SCAI: variants seen among roughly 807,000 people sequenced by gnomAD.
The protein encoded by SCAI is suppressor of cancer cell invasion.
In SCAI, 24 loss-of-function variants were observed where a neutral mutation model predicts 92.2. The observed-to-expected ratio is 0.26, with a 90% CI of 0.19 to 0.37. SCAI has a LOEUF of 0.37. SCAI is among the 10% of genes least tolerant of loss of function. The probability of loss-of-function intolerance (pLI) is 1.00; values close to 1 mark genes in which losing one functional copy is unlikely to be tolerated. For synonymous variants in SCAI, 261 were observed against 258.6 expected, an observed-to-expected ratio of 1.01 and a Z score of -0.09; for missense variants, 450 against 736.2, an observed-to-expected ratio of 0.61 and a Z score of 4.50.
intron 2 of SCAI, among the ~76,000 whole-genome samples, chr9:125,084,075 T>C (rs1347968466): frequency 1.3e-5 from 2 of 150,238 alleles, no homozygotes; most frequent in Non-Finnish European, 3.0e-5. Context: ...AGAGGGTCTG[T>C]CTAAAAATAC....
intron 1 of SCAI, 24 bp downstream of exon 1, chr9:125,143,361 C>A: frequency 1.5e-6 from 2 of 1,325,756 alleles, no homozygotes; most frequent in South Asian, 3.8e-5. Flanking sequence ...ATCCCCAACC[C>A]CGGCCTCCAC....
chr9:125,066,907 T>C (rs1433507176), intron 2 of SCAI, among the ~76,000 whole-genome samples: 1 of 152,228 alleles, frequency 6.6e-6, no homozygotes, highest in African/African-American at 2.4e-5. Flanking sequence ...AGTACCATGC[T>C]GTACAGGATT....
intron 3 of SCAI, among the ~76,000 whole-genome samples, chr9:125,047,699 C>A (rs1434099598): frequency 6.6e-6 from 1 of 152,140 alleles, no homozygotes; most frequent in Non-Finnish European, 1.5e-5. Flanking sequence ...GAGCAAACAG[C>A]CACACATGGC....
chr9:124,994,909 G>A (rs1051185320), intron 14 of SCAI, 25 bp downstream of exon 14: 1 of 1,547,078 alleles, frequency 6.5e-7, no homozygotes, highest in Non-Finnish European at 8.9e-7. Flanking sequence ...ATGTCTACCT[G>A]TGCAATAGCT....
At position 125,020,664 on chromosome 9, in the gene SCAI, T is replaced by C; in HGVS notation, c.609+9A>G. The C allele has an allele frequency of 8.4e-7, 1 of 1,192,808 alleles. No homozygotes were observed. The highest frequency in any genetic ancestry group is 1.2e-6 in the Non-Finnish European group (1 of 826,888). 73.9% of individuals were successfully genotyped at this position (1,192,808 alleles called of 1,614,324 possible). A position where few individuals can be genotyped will look rare whatever the true frequency, so the allele number is the denominator to read the frequency against. ...AGATTAGAATTTGAACTATTTAAAG[T>C]GTATTTACCTTTACCAGATCCTTTA... On this transcript the variant is annotated intron_variant, in intron 7 of 17. Coordinates refer to ENST00000336505, the MANE Select transcript of SCAI (RefSeq NM_001144877.3).
intron 2 of SCAI, among the ~76,000 whole-genome samples, chr9:125,064,852 C>T (rs1465916014): frequency 6.6e-6 from 1 of 151,930 alleles, no homozygotes; most frequent in Non-Finnish European, 1.5e-5. Flanking sequence ...TCTCAAAAAA[C>T]AAACAAACAA....
At chr9:125,055,821 A>G (rs1833651372) in intron 3 of SCAI, 55 bp downstream of exon 3, 1 of 1,484,022 alleles carries the variant, frequency 6.7e-7, no homozygotes, top group Non-Finnish European at 9.0e-7. Context: ...CATCAGCCAG[A>G]AAAAAAACAA....
chr9:125,073,350 C>T (rs575625668), intron 2 of SCAI, among the ~76,000 whole-genome samples: 1 of 151,516 alleles, frequency 6.6e-6, no homozygotes, highest in South Asian at 2.1e-4. Context: ...GTGATCCACC[C>T]GCCTCGGCCT....
At chr9:125,022,909 C>G (rs570348996) in intron 6 of SCAI, among the ~76,000 whole-genome samples, 1 of 152,074 alleles carries the variant, frequency 6.6e-6, no homozygotes, top group African/African-American at 2.4e-5. Flanking sequence ...TAATGATCAT[C>G]ATTTTGTTAC....
At chr9:125,110,042 T>A (rs552838063) in intron 2 of SCAI, among the ~76,000 whole-genome samples, 19 of 152,294 alleles carry the variant, frequency 1.2e-4, no homozygotes, top group African/African-American at 4.6e-4. Context: ...AAGACTCAGA[T>A]GATAGGAAGT....
chr9:125,130,573 G>A (rs576781693), intron 2 of SCAI, among the ~76,000 whole-genome samples: 1 of 151,998 alleles, frequency 6.6e-6, no homozygotes, highest in African/African-American at 2.4e-5. Flanking sequence ...GAGTGCAGTG[G>A]CACAATCTCA....
intron 2 of SCAI, among the ~76,000 whole-genome samples, chr9:125,106,122 A>AAAAAAAAAAATATATAT (rs1554791724): frequency 1.1e-4 from 1 of 8,864 alleles, no homozygotes; most frequent in African/African-American, 2.3e-4. Flanking sequence ...AAAAAAAAAA[A>AAAAAAAAAAATATATAT]ATATATATAT....
At chr9:124,960,581 A>G (rs1831417577) in intron 17 of SCAI, among the ~76,000 whole-genome samples, 1 of 152,218 alleles carries the variant, frequency 6.6e-6, no homozygotes, top group Non-Finnish European at 1.5e-5. Flanking sequence ...ACAAGAGTCC[A>G]TACTGTGTGA....
chr9:124,994,877 G>A lies in SCAI; in HGVS notation c.1326+57C>T, dbSNP rs370531686. ...ATAAAAAGGCACACATTAAGAGTGG[G>A]TACCCTTGGGTTGGTGCCACAATGT... On this transcript the variant is annotated intron_variant, in intron 14 of 17. Coordinates refer to ENST00000336505, the MANE Select transcript of SCAI (RefSeq NM_001144877.3). 34 of 1,094,612 alleles carry A rather than the reference G, an allele frequency of 3.1e-5. No homozygotes were observed. The African/African-American group carries it at 5.1e-4, about 16-fold the overall frequency. 67.8% of individuals were successfully genotyped at this position (1,094,612 alleles called of 1,614,324 possible). A position where few individuals can be genotyped will look rare whatever the true frequency, so the allele number is the denominator to read the frequency against.
At chr9:125,116,847 T>C (rs2131242092) in intron 2 of SCAI, among the ~76,000 whole-genome samples, 1 of 152,232 alleles carries the variant, frequency 6.6e-6, no homozygotes, top group East Asian at 1.9e-4. Flanking sequence ...GTATTTTCCA[T>C]AAAATAAAAA....
intron 2 of SCAI, among the ~76,000 whole-genome samples, chr9:125,136,381 T>G (rs1392845078): frequency 6.6e-6 from 1 of 151,888 alleles, no homozygotes; most frequent in Non-Finnish European, 1.5e-5. Flanking sequence ...CATCTTGAAG[T>G]GTTTACCAGG....
At chr9:125,048,778 C>T (rs920366061) in intron 3 of SCAI, among the ~76,000 whole-genome samples, 17 of 151,902 alleles carry the variant, frequency 1.1e-4, no homozygotes, top group African/African-American at 4.1e-4. Context: ...TGGAGTTTCG[C>T]TCTTGTTGCC....
intron 9 of SCAI, among the ~76,000 whole-genome samples, chr9:125,006,014 G>T (rs1832498808): frequency 6.6e-6 from 1 of 152,022 alleles, no homozygotes; most frequent in African/African-American, 2.4e-5. Context: ...CACTTAAAAA[G>T]AACAAAAACT....
intron 2 of SCAI, among the ~76,000 whole-genome samples, chr9:125,082,430 T>C (rs925598631): frequency 3.3e-5 from 5 of 152,206 alleles, no homozygotes; most frequent in African/African-American, 1.2e-4. Context: ...AAAGGAAATG[T>C]GGGGTTGGAA....
Sources: allele counts gnomAD v4.1 joint callset (sites outside exome capture counted in the v4.1 genomes callset), GRCh38; gene constraint gnomAD v4.1.1; transcripts MANE v1.5; gene names NCBI Gene and HGNC (gene_info 2026-07-23, HGNC 2026-07-21).